The following MAP3K13 variants were observed in gnomAD, a reference collection of about 807,000 sequenced individuals.
MAP3K13 encodes leucine zipper-bearing kinase.
In MAP3K13, 52 loss-of-function variants were observed where a neutral mutation model predicts 104.0. The ratio of observed to expected loss-of-function variants is 0.50; its 90% CI spans 0.40 to 0.63. The LOEUF is 0.63. Among genes scored for constraint, MAP3K13 ranks in the 20% least tolerant of loss-of-function variants. The probability of loss-of-function intolerance (pLI) is 0.00; values close to 1 mark genes in which losing one functional copy is unlikely to be tolerated. For missense variants in MAP3K13, 914 were observed against 1,218.5 expected (o/e 0.75, Z 3.72); for synonymous variants, 394 against 442.2 (o/e 0.89, Z 1.37).
At chr3:185,456,596 CTTTTTTT>C (rs35547697) in intron 7 of MAP3K13, among the ~76,000 whole-genome samples, 1 of 108,006 alleles carries the variant, frequency 9.3e-6, no homozygotes, top group African/African-American at 3.5e-5. Context: ...TTTGCTTCTC[CTTTTTTT>C]TTTTTTTTTT....
rs914910044 is a variant in MAP3K13 at position 185,314,472 on chromosome 3, T to A, written c.-86+28829T>A. On this transcript the variant is annotated intron_variant, in intron 2 of 14. Coordinates refer to the MAP3K13 transcript ENST00000424227. The stretch of plus-strand genomic sequence containing the variant: ...CTCTACTAAAAATACAAAAATTAGC[T>A]GGGCATCGTGATGCATGCCTGTAAT... Among the ~76,000 whole-genome samples the A allele has an allele frequency of 2.0e-5, 3 of 151,852 alleles. No individual in the cohort carries two copies. The East Asian group carries it at 5.8e-4, about 29-fold the overall frequency.
At chr3:185,287,253 C>G (rs146369413) in intron 2 of MAP3K13, among the ~76,000 whole-genome samples, 4 of 152,258 alleles carry the variant, frequency 2.6e-5, no homozygotes, top group Non-Finnish European at 5.9e-5. Flanking sequence ...TTCTGAACTT[C>G]ACAGTATTAC....
upstream of MAP3K13, chr3:185,363,098 GCTGGGCCTACT>G (rs1478599882): frequency 1.8e-5 from 18 of 984,784 alleles, no homozygotes; most frequent in Admixed American, 1.1e-3. Context: ...AAGCCTATTG[GCTGGGCCTACT>G]CTGGACCCGC....
chr3:185,371,227 T>C (rs2108750015), intron 1 of MAP3K13, among the ~76,000 whole-genome samples: 1 of 152,284 alleles, frequency 6.6e-6, no homozygotes, highest in East Asian at 1.9e-4. Context: ...TTTCATCAGT[T>C]TGGAATTTTT....
intron 1 of MAP3K13, among the ~76,000 whole-genome samples, chr3:185,408,473 G>GAGGC (rs1180158026): frequency 3.3e-5 from 5 of 152,060 alleles, no homozygotes; most frequent in African/African-American, 1.2e-4. Flanking sequence ...TCAGGAGGCT[G>GAGGC]AGGCAGAAGA....
chr3:185,398,656 T>C (rs747301645), intron 1 of MAP3K13, among the ~76,000 whole-genome samples: 1 of 152,200 alleles, frequency 6.6e-6, no homozygotes, highest in South Asian at 2.1e-4. Flanking sequence ...TACAGCCCCA[T>C]ATGGCTTCTG....
chr3:185,310,727 GA>G (rs1249840105), intron 2 of MAP3K13, among the ~76,000 whole-genome samples: 1 of 152,070 alleles, frequency 6.6e-6, no homozygotes, highest in Non-Finnish European at 1.5e-5. Context: ...GAGTGATATG[GA>G]AAGGGAAAAA....
At chr3:185,445,433 C>A (rs1204748589) in intron 4 of MAP3K13, among the ~76,000 whole-genome samples, 1 of 152,196 alleles carries the variant, frequency 6.6e-6, no homozygotes, top group Non-Finnish European at 1.5e-5. Flanking sequence ...GTGTAGTGTT[C>A]ATTTCTTCCG....
Position 185,418,774 on chromosome 3 carries a change from G to T in MAP3K13, c.-85-9723G>T. The T allele has an allele frequency of 6.2e-7, 1 of 1,601,212 alleles. No individual in the cohort carries two copies. Among genetic ancestry groups the T allele is most frequent in the Non-Finnish European group, 8.5e-7 (1 of 1,170,614 alleles). Reference sequence around the variant, plus strand: ...CACCGATATCATTGGGCGAGCACACGCCATGGCGGAGAGAGGAGACAGCCA... The same window carrying T: ...CACCGATATCATTGGGCGAGCACACTCCATGGCGGAGAGAGGAGACAGCCA... On this transcript the variant is annotated intron_variant, in intron 1 of 13. Coordinates refer to ENST00000265026, the MANE Select transcript of MAP3K13 (RefSeq NM_004721.5). The surrounding 1 kb of genome is among the most constrained non-coding windows in gnomAD (Gnocchi z 4.5).
At chr3:185,409,517 C>T (rs1036910445) in intron 1 of MAP3K13, among the ~76,000 whole-genome samples, 2 of 152,138 alleles carry the variant, frequency 1.3e-5, no homozygotes, top group African/African-American at 2.4e-5. Flanking sequence ...GAAAATGGAA[C>T]TGTTATGCAC....
At chr3:185,462,224 G>A (rs1455342628) in intron 7 of MAP3K13, among the ~76,000 whole-genome samples, 1 of 152,110 alleles carries the variant, frequency 6.6e-6, no homozygotes. Flanking sequence ...GTGGCCTATT[G>A]CCTGTAGGCC....
At chr3:185,455,694 T>C (rs763887056) in intron 7 of MAP3K13, among the ~76,000 whole-genome samples, 421 of 19,658 alleles carry the variant, frequency 0.021, 164 homozygotes, top group Non-Finnish European at 0.04. Flanking sequence ...ATATATATGA[T>C]ATATATATGA....
intron 1 of MAP3K13, among the ~76,000 whole-genome samples, chr3:185,284,120 G>A (rs1720417831): frequency 6.6e-6 from 1 of 151,560 alleles, no homozygotes; most frequent in Non-Finnish European, 1.5e-5. Context: ...TTACGGGCGT[G>A]AACCACTACG....
In MAP3K13 at chr3:185,467,383, C is replaced by G. The variant is rs73054856; in HGVS notation, c.1643+420C>G. On this transcript the variant is annotated intron_variant, in intron 10 of 13. Coordinates refer to ENST00000265026, the MANE Select transcript of MAP3K13 (RefSeq NM_004721.5). ...TAGTCATAATTCTTGATTTACAACA[C>G]AATAGACCATGCATGGCTTACTTTT... Among the ~76,000 whole-genome samples the G allele has an allele frequency of 2.7e-3, 410 of 152,298 alleles. 1 individual carries two copies. Among genetic ancestry groups the G allele is most frequent in the African/African-American group, 9.0e-3 (376 of 41,574 alleles).
intron 8 of MAP3K13, among the ~76,000 whole-genome samples, chr3:185,465,270 C>G (rs977875687): frequency 6.6e-5 from 10 of 152,230 alleles, no homozygotes; most frequent in Non-Finnish European, 1.2e-4. Flanking sequence ...GCCACTGCAT[C>G]TGGCCAACCC....
At chr3:185,349,441 A>G (rs965192250) in intron 2 of MAP3K13, among the ~76,000 whole-genome samples, 4 of 139,066 alleles carry the variant, frequency 2.9e-5, no homozygotes, top group African/African-American at 1.3e-4. Context: ...AGCAAAGGAC[A>G]TGACTTCATT....
intron 7 of MAP3K13, among the ~76,000 whole-genome samples, chr3:185,455,683 T>TATATGACATATATATCATATATATG: frequency 5.2e-5 from 1 of 19,410 alleles, no homozygotes; most frequent in African/African-American, 1.1e-4. Flanking sequence ...ATATATGAGA[T>TATATGACATATATATCATATATATG]ATATATATGA....
intron 2 of MAP3K13, among the ~76,000 whole-genome samples, chr3:185,320,262 G>A (rs1241951336): frequency 2.0e-5 from 3 of 151,908 alleles, no homozygotes; most frequent in Non-Finnish European, 4.4e-5. Flanking sequence ...TGTATTTTTA[G>A]TAGAGATAAG....
chr3:185,402,427 A>G (rs1390018345), intron 1 of MAP3K13, among the ~76,000 whole-genome samples: 2 of 151,814 alleles, frequency 1.3e-5, no homozygotes, highest in African/African-American at 4.8e-5. Context: ...ACCTATTACC[A>G]TGTACATCTT....
Sources: gnomAD v4.1 joint callset for allele counts (sites outside exome capture counted in the v4.1 genomes callset) on GRCh38, gnomAD v4.1.1 for gene constraint, Gnocchi (gnomAD v3.1) non-coding constraint, MANE v1.5 for transcripts, NCBI Gene and HGNC (gene_info 2026-07-23, HGNC 2026-07-21) for gene names.